POC1B: variants seen among roughly 807,000 people sequenced by gnomAD.
The protein encoded by POC1B is POC1 centriolar protein homolog B.
Under a neutral mutation model 60.6 loss-of-function variants are expected in POC1B, and 44 were observed. That is an observed-to-expected ratio of 0.73 (90% CI 0.57 to 0.93). The LOEUF (loss-of-function observed/expected upper bound fraction) is 0.93, where lower values mean the gene tolerates loss of function less well. POC1B is among the 40% of genes least tolerant of loss of function. POC1B has a pLI of 0.00. For synonymous variants in POC1B, 180 were observed against 198.9 expected, an observed-to-expected ratio of 0.90 and a Z score of 0.80; for missense variants, 555 against 572.3, an observed-to-expected ratio of 0.97 and a Z score of 0.31.
chr12:89,430,160 A>G (rs948612449), intron 10 of POC1B, among the ~76,000 whole-genome samples: 14 of 152,190 alleles, frequency 9.2e-5, no homozygotes, highest in South Asian at 2.1e-4. Flanking sequence ...ATCCTTATCT[A>G]TATAGGTCAA....
At chr12:89,493,158 G>A (rs759920108) in intron 3 of POC1B, among the ~76,000 whole-genome samples, 1 of 152,096 alleles carries the variant, frequency 6.6e-6, no homozygotes, top group Non-Finnish European at 1.5e-5. Flanking sequence ...GCTTTCTCAG[G>A]CTGGACTATT....
intron 2 of POC1B, chr12:89,523,253 G>C: frequency 6.2e-7 from 1 of 1,614,028 alleles, no homozygotes; most frequent in East Asian, 2.2e-5. Context: ...TGTAAATTAG[G>C]AAAAACGTTT....
chr12:89,501,542 C>G, intron 2 of POC1B: 1 of 1,176,234 alleles, frequency 8.5e-7, no homozygotes, highest in Non-Finnish European at 1.2e-6. Flanking sequence ...CAGATGCCAC[C>G]TGTGGGAAGC....
At chr12:89,445,818 G>A (rs1881758111) in intron 10 of POC1B, among the ~76,000 whole-genome samples, 1 of 152,084 alleles carries the variant, frequency 6.6e-6, no homozygotes. Context: ...GAGTGAACAG[G>A]CAACCTAAAG....
intron 10 of POC1B, among the ~76,000 whole-genome samples, chr12:89,432,906 G>T (rs1881097009): frequency 6.6e-6 from 1 of 152,210 alleles, no homozygotes; most frequent in Admixed American, 6.5e-5. Context: ...AACAAGAGAA[G>T]AGTTGCAGAG....
chr12:89,415,372 G>A (rs914700490), downstream of POC1B, among the ~76,000 whole-genome samples: 9 of 152,138 alleles, frequency 5.9e-5, no homozygotes, highest in African/African-American at 2.2e-4. Flanking sequence ...AGCCGGGTGC[G>A]GTGGCTCACG....
intron 4 of POC1B, among the ~76,000 whole-genome samples, chr12:89,487,822 T>C (rs1326084833): frequency 6.6e-6 from 1 of 152,212 alleles, no homozygotes; most frequent in Non-Finnish European, 1.5e-5. Context: ...GCTCTGGGAC[T>C]GAAACGGCTT....
chr12:89,503,298 G>A (rs1391035147), intron 2 of POC1B, among the ~76,000 whole-genome samples: 1 of 152,230 alleles, frequency 6.6e-6, no homozygotes, highest in East Asian at 1.9e-4. Flanking sequence ...TATTTTTTTG[G>A]TGGAGACGGG....
At chr12:89,430,178 C>T (rs567218023) in intron 10 of POC1B, among the ~76,000 whole-genome samples, 1 of 152,272 alleles carries the variant, frequency 6.6e-6, no homozygotes, top group Non-Finnish European at 1.5e-5. Flanking sequence ...CAAAAGGACT[C>T]ACTTTTCACC....
chr12:89,502,457 C>A, intron 2 of POC1B: 1 of 1,213,846 alleles, frequency 8.2e-7, no homozygotes, highest in African/African-American at 1.5e-5. Flanking sequence ...AAAAGGAAGG[C>A]AAGAGAAAAT....
intron 5 of POC1B, 41 bp from the exon 6 acceptor site, chr12:89,471,770 T>TTTC (rs1565739464): frequency 2.5e-6 from 2 of 795,996 alleles, no homozygotes; most frequent in Non-Finnish European, 3.6e-6. Flanking sequence ...TTCAATTTCT[T>TTTC]TTTTTTTTTT....
intron 2 of POC1B, among the ~76,000 whole-genome samples, chr12:89,512,753 T>A (rs1870248810): frequency 1.3e-5 from 2 of 152,202 alleles, no homozygotes; most frequent in Non-Finnish European, 2.9e-5. Context: ...TTATAAGTAT[T>A]ACTTTATTTA....
At chr12:89,524,912 G>C in intron 2 of POC1B, 1 of 775,692 alleles carries the variant, frequency 1.3e-6, no homozygotes, top group Non-Finnish European at 2.0e-6. Context: ...CTGGATAGGA[G>C]GCTCTTGGCC....
chr12:89,435,811 A>G (rs1019753327), intron 10 of POC1B, among the ~76,000 whole-genome samples: 2 of 152,236 alleles, frequency 1.3e-5, no homozygotes, highest in African/African-American at 4.8e-5. Context: ...GTCAAAGAGA[A>G]TATGAGCTAG....
At chr12:89,441,287 T>A (rs146195991) in intron 10 of POC1B, among the ~76,000 whole-genome samples, 358 of 152,224 alleles carry the variant, frequency 2.4e-3, no homozygotes, top group African/African-American at 8.1e-3. Context: ...AGCACAGAGT[T>A]TGAGATCTGA....
intron 9 of POC1B, among the ~76,000 whole-genome samples, chr12:89,465,537 A>G (rs1354240735): frequency 6.6e-6 from 1 of 152,236 alleles, no homozygotes; most frequent in African/African-American, 2.4e-5. Flanking sequence ...AAATTAAAAT[A>G]TATTTCACAT....
At chr12:89,449,096 C>G (rs1004560086) in intron 10 of POC1B, among the ~76,000 whole-genome samples, 1 of 152,190 alleles carries the variant, frequency 6.6e-6, no homozygotes. Context: ...AACCAGGATT[C>G]AAAGTGGCAA....
At chr12:89,452,268 T>G (rs890514133) in intron 10 of POC1B, among the ~76,000 whole-genome samples, 2 of 152,014 alleles carry the variant, frequency 1.3e-5, no homozygotes, top group African/African-American at 2.4e-5. Context: ...AAATACAGTA[T>G]CTCAGCAAGT....
At position 89,525,634 on chromosome 12, in the gene POC1B, C is replaced by T. The variant is rs1871405945; in HGVS notation, c.15+247G>A. On this transcript the variant is annotated intron_variant, in intron 1 of 11. Coordinates refer to ENST00000313546, the MANE Select transcript of POC1B (RefSeq NM_172240.3). Reference sequence around the variant, plus strand: ...TCCGAGAATTCTGGGGGCCGTGGGGCCGCCCAGCTCAGTCCGGAGCTCCGG... The same window carrying T: ...TCCGAGAATTCTGGGGGCCGTGGGGTCGCCCAGCTCAGTCCGGAGCTCCGG... 4 of 1,275,224 alleles carry T rather than the reference C, an allele frequency of 3.1e-6. No homozygotes were observed. In the Admixed American group the frequency reaches 1.1e-4, roughly 36 times the overall value. The allele number at this position is 1,275,224 out of a possible 1,614,324, so 79.0% of individuals were successfully genotyped here. A position where few individuals can be genotyped will look rare whatever the true frequency, so the allele number is the denominator to read the frequency against.
Sources: gnomAD v4.1 joint callset for allele counts (sites outside exome capture counted in the v4.1 genomes callset) on GRCh38, gnomAD v4.1.1 for gene constraint, MANE v1.5 for transcripts, NCBI Gene and HGNC (gene_info 2026-07-23, HGNC 2026-07-21) for gene names.